Variants in DOCK4 observed in about 807,000 individuals in gnomAD.
DOCK4 encodes dedicator of cytokinesis protein 4.
DOCK4 carries 97 observed loss-of-function variants against 268.1 expected under a neutral mutation model. The observed-to-expected ratio is 0.36, with a 90% CI of 0.31 to 0.43. The LOEUF is 0.43. Among genes scored for constraint, DOCK4 ranks in the 20% least tolerant of loss-of-function variants. The probability of loss-of-function intolerance (pLI) is 1.00; values close to 1 mark genes in which losing one functional copy is unlikely to be tolerated. For missense variants in DOCK4, 2,145 were observed against 2,455.7 expected, an observed-to-expected ratio of 0.87 and a Z score of 2.67; for synonymous variants, 954 against 887.2, an observed-to-expected ratio of 1.08 and a Z score of -1.34.
chr7:112,187,740 C>T (rs1016548555), intron 1 of DOCK4, among the ~76,000 whole-genome samples: 7 of 152,130 alleles, frequency 4.6e-5, no homozygotes, highest in African/African-American at 1.7e-4. Context: ...TGCAACCAGT[C>T]GATGGAATCT....
chr7:112,163,086 C>T (rs184080788), intron 1 of DOCK4, among the ~76,000 whole-genome samples: 40 of 152,284 alleles, frequency 2.6e-4, no homozygotes, highest in Middle Eastern at 3.4e-3. Context: ...AACAATTAAT[C>T]ATTTACCAAA....
At chr7:112,126,403 C>A (rs6973560) in intron 1 of DOCK4, among the ~76,000 whole-genome samples, 54,567 of 151,992 alleles carry the variant, frequency 0.36, 11,808 homozygotes, top group South Asian at 0.55. Flanking sequence ...GAGTTAAACA[C>A]CATCTCCCTG....
chr7:111,844,678 T>C (rs1008019881), intron 25 of DOCK4, 85 bp downstream of exon 25: 5 of 1,473,380 alleles, frequency 3.4e-6, no homozygotes, highest in Non-Finnish European at 4.5e-6. Flanking sequence ...GGCCACATTT[T>C]CCAGATTATA....
chr7:111,860,491 T>C (rs1056259597), intron 23 of DOCK4, among the ~76,000 whole-genome samples: 4 of 152,256 alleles, frequency 2.6e-5, no homozygotes, highest in African/African-American at 9.6e-5. Flanking sequence ...CTGTTGAACA[T>C]CTGCACGTGC....
At chr7:111,855,754 T>G (rs1804949776) in intron 23 of DOCK4, among the ~76,000 whole-genome samples, 1 of 152,178 alleles carries the variant, frequency 6.6e-6, no homozygotes, top group Admixed American at 6.5e-5. Context: ...ATTATAATTA[T>G]TTGTTCGACA....
At chr7:111,885,019 T>C (rs1156637855) in intron 16 of DOCK4, among the ~76,000 whole-genome samples, 1 of 151,914 alleles carries the variant, frequency 6.6e-6, no homozygotes, top group Non-Finnish European at 1.5e-5. Context: ...TGAACTAGAG[T>C]ATGGACTGGA....
At chr7:111,773,125 T>G (rs917424063) in intron 36 of DOCK4, among the ~76,000 whole-genome samples, 1 of 152,158 alleles carries the variant, frequency 6.6e-6, no homozygotes, top group Non-Finnish European at 1.5e-5. Flanking sequence ...ATTCTACCAT[T>G]TTGAGAAGTG....
chr7:111,891,413 A>G (rs181190432), intron 16 of DOCK4, among the ~76,000 whole-genome samples: 1 of 152,326 alleles, frequency 6.6e-6, no homozygotes, highest in Admixed American at 6.5e-5. Context: ...ATGCATATAA[A>G]ATTATCCTGT....
rs531622373 is a variant in DOCK4 at position 112,109,830 on chromosome 7, C to T, written c.37+96272G>A. 3.3e-5 allele frequency among the ~76,000 whole-genome samples: 5 copies of T among 150,710 alleles called. No homozygotes were observed. In the East Asian group the frequency reaches 5.9e-4, roughly 18 times the overall value. On this transcript the variant is annotated intron_variant, in intron 1 of 52. Coordinates refer to ENST00000428084, the MANE Select transcript of DOCK4 (RefSeq NM_001363540.2). ...CGGGATCTCGGCTCACTGCAAGCTCCGCCTCCCGGGTTCACGCCATTCTCC... is the reference window on the plus strand; with the variant it reads ...CGGGATCTCGGCTCACTGCAAGCTCTGCCTCCCGGGTTCACGCCATTCTCC...
intron 39 of DOCK4, among the ~76,000 whole-genome samples, chr7:111,764,418 C>T (rs117401288): frequency 0.015 from 2,315 of 152,190 alleles, 36 homozygotes; most frequent in Non-Finnish European, 0.024. Context: ...ATAAACTATC[C>T]CAGATACCTT....
intron 7 of DOCK4, among the ~76,000 whole-genome samples, chr7:111,983,854 G>GCACACACACACACACACACACACA (rs57739762): frequency 1.1e-5 from 1 of 87,956 alleles, no homozygotes; most frequent in East Asian, 2.6e-4. Flanking sequence ...ACGCGCGCGC[G>GCACACACACACACACACACACACA]CGCGCGCGCA....
intron 30 of DOCK4, among the ~76,000 whole-genome samples, chr7:111,794,691 C>G (rs1319146337): frequency 6.6e-6 from 1 of 152,142 alleles, no homozygotes; most frequent in African/African-American, 2.4e-5. Context: ...TTCATTTGCT[C>G]CCTACAACAA....
At chr7:112,144,999 A>G (rs532762921) in intron 1 of DOCK4, among the ~76,000 whole-genome samples, 4 of 152,174 alleles carry the variant, frequency 2.6e-5, no homozygotes, top group Non-Finnish European at 4.4e-5. Context: ...CTTAAGCTAT[A>G]AATGCAGAAA....
At chr7:111,875,719 G>A (rs1291679099) in intron 17 of DOCK4, among the ~76,000 whole-genome samples, 1 of 152,224 alleles carries the variant, frequency 6.6e-6, no homozygotes, top group African/African-American at 2.4e-5. Context: ...TCTAAAGCTA[G>A]GAAGGGTAAG....
chr7:111,830,713 G>T (rs1346873671), intron 26 of DOCK4, among the ~76,000 whole-genome samples: 1 of 151,666 alleles, frequency 6.6e-6, no homozygotes, highest in Non-Finnish European at 1.5e-5. Context: ...TCCATCATAA[G>T]TATTCATCAA....
At position 112,170,540 on chromosome 7, in the gene DOCK4, A is replaced by G. The variant is rs188885840; in HGVS notation, c.37+35562T>C. ...ACCATACTTATCTCAATAGCTCCAAAGACATCGTTACAAGCAGAACAAGAA... is the reference window on the plus strand; with the variant it reads ...ACCATACTTATCTCAATAGCTCCAAGGACATCGTTACAAGCAGAACAAGAA... On this transcript the variant is annotated intron_variant, in intron 1 of 52. Coordinates refer to ENST00000428084, the MANE Select transcript of DOCK4 (RefSeq NM_001363540.2). Among the ~76,000 whole-genome samples, 306 of 152,256 alleles carry G rather than the reference A, an allele frequency of 2.0e-3. 1 individual carries two copies. Among genetic ancestry groups the G allele is most frequent in the Non-Finnish European group, 3.9e-3 (265 of 68,024 alleles).
At chr7:112,161,474 A>G (rs946829510) in intron 1 of DOCK4, among the ~76,000 whole-genome samples, 4 of 152,220 alleles carry the variant, frequency 2.6e-5, no homozygotes, top group African/African-American at 4.8e-5. Flanking sequence ...AATTTTAATT[A>G]GACTAGAAAG....
intron 36 of DOCK4, among the ~76,000 whole-genome samples, chr7:111,773,972 G>A (rs183312397): frequency 1.3e-4 from 19 of 151,902 alleles, no homozygotes; most frequent in East Asian, 1.2e-3. Flanking sequence ...AGCCCAGATC[G>A]TGCCACTACA....
chr7:112,187,938 G>A (rs1287263810), intron 1 of DOCK4, among the ~76,000 whole-genome samples: 1 of 152,016 alleles, frequency 6.6e-6, no homozygotes, highest in African/African-American at 2.4e-5. Flanking sequence ...TTTAACCAAT[G>A]TTTTCTTTGA....
Sources: allele counts gnomAD v4.1 joint callset (sites outside exome capture counted in the v4.1 genomes callset), GRCh38; gene constraint gnomAD v4.1.1; transcripts MANE v1.5; gene names NCBI Gene and HGNC (gene_info 2026-07-23, HGNC 2026-07-21).